FBXW8: variants seen among roughly 807,000 people sequenced by gnomAD.
FBXW8 encodes the protein F-box and WD repeat domain containing 8, also known as F-box/WD repeat-containing protein 8.
FBXW8 carries 57 observed loss-of-function variants against 65.3 expected under a neutral mutation model. The observed-to-expected ratio is 0.87, with a 90% CI of 0.71 to 1.09. FBXW8 has a LOEUF of 1.09. Among genes scored for constraint, FBXW8 ranks in the 50% least tolerant of loss-of-function variants. The probability of loss-of-function intolerance (pLI) is 0.00; values close to 1 mark genes in which losing one functional copy is unlikely to be tolerated. For synonymous variants in FBXW8, 308 were observed against 330.2 expected (o/e 0.93, Z 0.73); for missense variants, 777 against 814.8 (o/e 0.95, Z 0.57).
At position 116,936,974 on chromosome 12, in the gene FBXW8, A is replaced by G. The variant is rs1359286345; in HGVS notation, c.424-8390A>G. On this transcript the variant is annotated intron_variant, in intron 2 of 10. Coordinates refer to ENST00000652555, the MANE Select transcript of FBXW8 (RefSeq NM_153348.3). The surrounding 1 kb of genome is among the most constrained non-coding windows in gnomAD (Gnocchi z 4.6). ...GTGGAGAATCGGTTGTTGGGGGACAAGGACAGCAGCAAGGAGACCAGTTAG... is the reference window on the plus strand; with the variant it reads ...GTGGAGAATCGGTTGTTGGGGGACAGGGACAGCAGCAAGGAGACCAGTTAG... Among the ~76,000 whole-genome samples, 1 of 152,078 alleles carries G rather than the reference A, an allele frequency of 6.6e-6. No homozygotes were observed. The highest frequency in any genetic ancestry group is 1.5e-5 in the Non-Finnish European group (1 of 68,000).
At position 117,014,538 on chromosome 12, in the gene FBXW8, G is replaced by A. The variant is rs148131435; in HGVS notation, c.1367+4088G>A. On this transcript the variant is annotated intron_variant, in intron 8 of 10. Transcript: ENST00000652555. Reference sequence around the variant, plus strand: ...GTGTTCTGGACATTGTGGATGTTGTGTTTTATACACTCTGGATCCTGTTAT... The same window carrying A: ...GTGTTCTGGACATTGTGGATGTTGTATTTTATACACTCTGGATCCTGTTAT... 8.3e-4 allele frequency among the ~76,000 whole-genome samples: 126 copies of A among 152,290 alleles called. 3 individuals are homozygous for A. In the East Asian group the frequency reaches 0.02, roughly 24 times the overall value.
At chr12:117,018,661 CA>C (rs1283229436) in intron 8 of FBXW8, among the ~76,000 whole-genome samples, 3 of 152,148 alleles carry the variant, frequency 2.0e-5, no homozygotes, top group Non-Finnish European at 4.4e-5. Flanking sequence ...TCCTTTTTCC[CA>C]GGGGGGAGAA....
At chr12:116,920,128 G>A (rs80185059) in intron 1 of FBXW8, among the ~76,000 whole-genome samples, 164 of 152,118 alleles carry the variant, frequency 1.1e-3, no homozygotes, top group African/African-American at 3.7e-3. Flanking sequence ...TAATTCTTCC[G>A]TGATTTCTCC....
In FBXW8 at chr12:117,010,334, T is replaced by C. The variant is rs369613519; in HGVS notation, c.1251T>C (p.Tyr417=). 1.5e-5 allele frequency: 25 copies of C among 1,614,072 alleles called. No individual in the cohort carries two copies. The highest frequency in any genetic ancestry group is 1.9e-5 in the Non-Finnish European group (22 of 1,180,026). Residue 417 remains tyrosine, a synonymous_variant, in exon 8 of 11, where the codon TAT becomes TAC. Coordinates refer to ENST00000652555, the MANE Select transcript of FBXW8 (RefSeq NM_153348.3). ...TCTTCCTCTCTCAGATCCTGGTGTATAGCCTGGAAGCAGGACGCCGCCTCT... is the reference window on the plus strand; with the variant it reads ...TCTTCCTCTCTCAGATCCTGGTGTACAGCCTGGAAGCAGGACGCCGCCTCT... ...WVYEGSKILV[Y]SLEAGRRLLK... is the part of the protein sequence containing the mutation.
chr12:117,025,204 G>A (rs541341664), intron 9 of FBXW8, among the ~76,000 whole-genome samples: 31 of 152,284 alleles, frequency 2.0e-4, no homozygotes, highest in African/African-American at 7.0e-4. Flanking sequence ...AGAGACATTC[G>A]GCCAGACACG....
At chr12:116,976,229 G>A (rs746791948) in intron 5 of FBXW8, among the ~76,000 whole-genome samples, 4 of 151,990 alleles carry the variant, frequency 2.6e-5, no homozygotes, top group African/African-American at 4.8e-5. Context: ...TGTGCTTGCC[G>A]CTTTTCTGCT....
chr12:116,945,470 G>A lies in FBXW8; in HGVS notation c.530G>A (p.Trp177Ter). 1 of 1,614,138 alleles carries A rather than the reference G, an allele frequency of 6.2e-7. No homozygotes were observed. The highest frequency in any genetic ancestry group is 1.1e-5 in the South Asian group (1 of 91,062). ...PDSSISDYSC[W>*]KLIFQECRAK... The stretch of plus-strand genomic sequence containing the variant: ...AGCAGCATCTCTGACTATTCTTGCT[G>A]GAAGCTCATCTTCCAAGAGTGCCGA... Residue 177 changes from tryptophan (W) to a stop codon, truncating the protein, a stop_gained, in exon 3 of 11, where the codon TGG (tryptophan) becomes TAG (stop). Coordinates refer to ENST00000652555, the MANE Select transcript of FBXW8 (RefSeq NM_153348.3). LOFTEE classifies it high-confidence loss of function.
At chr12:117,015,474 T>G (rs140762905) in intron 8 of FBXW8, among the ~76,000 whole-genome samples, 138 of 152,242 alleles carry the variant, frequency 9.1e-4, no homozygotes, top group African/African-American at 3.2e-3. Context: ...TGAGGGCCCT[T>G]CCTATTCTGT....
chr12:116,934,939 C>T (rs1882052135), intron 2 of FBXW8, among the ~76,000 whole-genome samples: 1 of 152,076 alleles, frequency 6.6e-6, no homozygotes, highest in African/African-American at 2.4e-5. Flanking sequence ...ACACTGGCCT[C>T]AAGTCCTTCC....
At chr12:116,998,666 C>T (rs1953438532) in intron 7 of FBXW8, among the ~76,000 whole-genome samples, 1 of 152,106 alleles carries the variant, frequency 6.6e-6, no homozygotes, top group South Asian at 2.1e-4. Context: ...AAAATCAGCT[C>T]GTTCTCCAGT....
chr12:116,964,153 C>G (rs1403890547), intron 4 of FBXW8, among the ~76,000 whole-genome samples: 1 of 152,224 alleles, frequency 6.6e-6, no homozygotes, highest in African/African-American at 2.4e-5. Context: ...GCAGCACTGT[C>G]TGGCTGCTAA....
intron 5 of FBXW8, among the ~76,000 whole-genome samples, chr12:116,965,118 C>T (rs1346437733): frequency 6.6e-6 from 1 of 152,222 alleles, no homozygotes; most frequent in Non-Finnish European, 1.5e-5. Context: ...TAGTGCCAGA[C>T]ACAAGGCTGG....
At position 116,961,459 on chromosome 12, in the gene FBXW8, C is replaced by T. The variant is rs983052762; in HGVS notation, c.678-3238C>T. ...TTGGGATCCTCTCTGGAAGCCGGCC[C>T]GTGTGAAGGGAGAGTAGAAAATGAG... On this transcript the variant is annotated intron_variant, in intron 4 of 10. Coordinates refer to ENST00000652555, the MANE Select transcript of FBXW8 (RefSeq NM_153348.3). The surrounding 1 kb of genome is among the most constrained non-coding windows in gnomAD (Gnocchi z 4.4). Among the ~76,000 whole-genome samples the T allele has an allele frequency of 2.6e-5, 4 of 151,990 alleles. No homozygotes were observed. The highest frequency in any genetic ancestry group is 5.9e-5 in the Non-Finnish European group (4 of 68,020).
At chr12:116,967,923 C>A (rs1035881557) in intron 5 of FBXW8, among the ~76,000 whole-genome samples, 1 of 152,080 alleles carries the variant, frequency 6.6e-6, no homozygotes, top group Non-Finnish European at 1.5e-5. Flanking sequence ...CCTGCCACCA[C>A]GCCCAGCTAA....
chr12:117,027,972 G>A (rs908078564), intron 10 of FBXW8, 56 bp from the exon 11 acceptor site: 16 of 1,607,096 alleles, frequency 1.0e-5, no homozygotes, highest in Admixed American at 1.7e-5. Context: ...AGAAGCGGCT[G>A]GGGTGAGGGC....
intron 4 of FBXW8, among the ~76,000 whole-genome samples, chr12:116,962,952 G>C (rs1884073832): frequency 6.6e-6 from 1 of 152,210 alleles, no homozygotes; most frequent in Non-Finnish European, 1.5e-5. Context: ...GCTGCTTGGA[G>C]AGCCTGGGGG....
At chr12:116,950,723 C>T (rs563346780) in intron 4 of FBXW8, 2 of 152,274 alleles carry the variant, frequency 1.3e-5, no homozygotes, top group South Asian at 4.2e-4. Flanking sequence ...AGGTGAAAGC[C>T]CTTCTTGGGA....
intron 3 of FBXW8, among the ~76,000 whole-genome samples, chr12:116,948,039 C>A (rs1883046859): frequency 6.6e-6 from 1 of 152,158 alleles, no homozygotes; most frequent in Non-Finnish European, 1.5e-5. Context: ...TGGTTTGGTA[C>A]CTCTTAAGTC....
intron 7 of FBXW8, among the ~76,000 whole-genome samples, chr12:117,000,883 T>G (rs2135696366): frequency 6.6e-6 from 1 of 152,374 alleles, no homozygotes; most frequent in African/African-American, 2.4e-5. Context: ...AAAGACATTG[T>G]GATATGGTCA....
Sources: allele counts gnomAD v4.1 joint callset (sites outside exome capture counted in the v4.1 genomes callset), GRCh38; gene constraint gnomAD v4.1.1; non-coding constraint Gnocchi (gnomAD v3.1); transcripts MANE v1.5; gene names NCBI Gene and HGNC (gene_info 2026-07-23, HGNC 2026-07-21).